Variants in DLC1 observed in about 807,000 individuals in gnomAD.
The protein encoded by DLC1 is rho GTPase-activating protein 7.
In DLC1, 54 loss-of-function variants were observed where a neutral mutation model predicts 140.3. The ratio of observed to expected loss-of-function variants is 0.38; its 90% confidence interval spans 0.31 to 0.48. The LOEUF is 0.48. DLC1 is among the 20% of genes least tolerant of loss of function. The pLI, the probability that DLC1 is intolerant of heterozygous loss-of-function variation, is 0.96. For synonymous variants in DLC1, 986 were observed against 728.1 expected (o/e 1.35, Z -5.70); for missense variants, 2,536 against 1,907.0 (o/e 1.33, Z -6.14).
At chr8:13,503,961 A>G (rs1801935703) in intron 1 of DLC1, among the ~76,000 whole-genome samples, 1 of 152,138 alleles carries the variant, frequency 6.6e-6, no homozygotes, top group African/African-American at 2.4e-5. Context: ...TACTGGATAG[A>G]AGAAATCTTC....
intron 2 of DLC1, among the ~76,000 whole-genome samples, chr8:13,482,093 T>C (rs1178104566): frequency 6.6e-6 from 1 of 152,170 alleles, no homozygotes; most frequent in African/African-American, 2.4e-5. Context: ...ACGATGACTT[T>C]CTGTTCTTTT....
In DLC1 at chr8:13,579,338, TATATATATATATATATATATA is replaced by T. The variant is rs1443582111; in HGVS notation, c.-126+25178_-126+25198del. On this transcript the variant is annotated intron_variant, in intron 1 of 1. Transcript: ENST00000631382. ...CTTTATATATATATATATATATATA[TATATATATATATATATATATA>T]TATTTTTATATAATACATATTTATA... 4.5e-4 allele frequency among the ~76,000 whole-genome samples: 10 copies of T among 22,278 alleles called. 2 individuals carry two copies. Among genetic ancestry groups the T allele is most frequent in the East Asian group, 6.5e-3 (2 of 310 alleles). 14.6% of individuals were successfully genotyped at this position (22,278 alleles called of 152,430 possible). A position where few individuals can be genotyped will look rare whatever the true frequency, so the allele number is the denominator to read the frequency against.
At chr8:13,460,435 A>G (rs1361730597) in intron 2 of DLC1, among the ~76,000 whole-genome samples, 2 of 152,222 alleles carry the variant, frequency 1.3e-5, no homozygotes, top group African/African-American at 2.4e-5. Flanking sequence ...AGTCATCATA[A>G]AAGATATTTA....
At chr8:13,569,234 C>A (rs1804559019) in intron 1 of DLC1, among the ~76,000 whole-genome samples, 1 of 152,146 alleles carries the variant, frequency 6.6e-6, no homozygotes, top group African/African-American at 2.4e-5. Context: ...CACTTTTCTA[C>A]ATGTCCAACA....
At chr8:13,303,750 C>A (rs1451353426) in intron 5 of DLC1, among the ~76,000 whole-genome samples, 1 of 151,942 alleles carries the variant, frequency 6.6e-6, no homozygotes, top group Admixed American at 6.6e-5. Context: ...TGCAGTGAGC[C>A]AAGATCACAC....
At chr8:13,284,312 A>C (rs1428485622) in intron 5 of DLC1, among the ~76,000 whole-genome samples, 1 of 152,192 alleles carries the variant, frequency 6.6e-6, no homozygotes, top group Non-Finnish European at 1.5e-5. Flanking sequence ...GGATCACCTA[A>C]CGTCAGGAGT....
At chr8:13,125,117 C>T (rs534559600) in intron 5 of DLC1, among the ~76,000 whole-genome samples, 1 of 152,236 alleles carries the variant, frequency 6.6e-6, no homozygotes, top group South Asian at 2.1e-4. Flanking sequence ...GCTGGGATTA[C>T]AGGTGCTCAC....
At chr8:13,326,876 T>C (rs1476081623) in intron 4 of DLC1, among the ~76,000 whole-genome samples, 1 of 152,216 alleles carries the variant, frequency 6.6e-6, no homozygotes, top group African/African-American at 2.4e-5. Context: ...TTGAATGAAC[T>C]GTTGTGCATA....
chr8:13,420,109 T>C (rs1455015625), intron 2 of DLC1, among the ~76,000 whole-genome samples: 4 of 152,202 alleles, frequency 2.6e-5, no homozygotes, highest in African/African-American at 9.7e-5. Flanking sequence ...TCTCTTTTTT[T>C]CTTTATTAGT....
chr8:13,350,213 C>A (rs147683881), intron 4 of DLC1, among the ~76,000 whole-genome samples: 1 of 152,090 alleles, frequency 6.6e-6, no homozygotes, highest in African/African-American at 2.4e-5. Flanking sequence ...CTTTTAAGGC[C>A]CACTTTTAAA....
chr8:13,363,625 G>A (rs1010498500), intron 4 of DLC1, among the ~76,000 whole-genome samples: 1 of 151,806 alleles, frequency 6.6e-6, no homozygotes, highest in African/African-American at 2.4e-5. Context: ...CATTGGTTAA[G>A]GTATTTTTAC....
intron 5 of DLC1, among the ~76,000 whole-genome samples, chr8:13,132,313 G>A (rs1822173182): frequency 6.6e-6 from 1 of 151,300 alleles, no homozygotes; most frequent in Non-Finnish European, 1.5e-5. Flanking sequence ...AGGTACCTGC[G>A]GCCACCAAAC....
chr8:13,149,966 G>A (rs1823690584), intron 5 of DLC1, among the ~76,000 whole-genome samples: 1 of 152,186 alleles, frequency 6.6e-6, no homozygotes. Flanking sequence ...TCTTCTCAAG[G>A]AAATAATAGG....
intron 2 of DLC1, among the ~76,000 whole-genome samples, chr8:13,414,913 C>T (rs144008475): frequency 0.016 from 2,509 of 152,118 alleles, 35 homozygotes; most frequent in Non-Finnish European, 0.027. Context: ...CAGGTTCAAG[C>T]GATATTCCTG....
chr8:13,200,837 A>T (rs1407904489), intron 5 of DLC1, among the ~76,000 whole-genome samples: 1 of 152,022 alleles, frequency 6.6e-6, no homozygotes, highest in African/African-American at 2.4e-5. Flanking sequence ...GCCTCAAGTG[A>T]TCCTCCAGAC....
intron 5 of DLC1, among the ~76,000 whole-genome samples, chr8:13,136,462 G>A (rs867099219): frequency 6.6e-6 from 1 of 152,140 alleles, no homozygotes; most frequent in Non-Finnish European, 1.5e-5. Flanking sequence ...GTGTTAATAT[G>A]GTTAACATAA....
chr8:13,281,006 T>A (rs982240187), intron 5 of DLC1, among the ~76,000 whole-genome samples: 1 of 152,184 alleles, frequency 6.6e-6, no homozygotes, highest in Non-Finnish European at 1.5e-5. Flanking sequence ...CAGAAGATCT[T>A]CTCCACTGTG....
intron 2 of DLC1, among the ~76,000 whole-genome samples, chr8:13,477,482 G>C (rs1206562374): frequency 6.6e-6 from 1 of 152,112 alleles, no homozygotes; most frequent in African/African-American, 2.4e-5. Context: ...ATTTTAACAA[G>C]GACTAATCGC....
chr8:13,487,666 C>T (rs571592144), intron 2 of DLC1, among the ~76,000 whole-genome samples: 24 of 152,096 alleles, frequency 1.6e-4, no homozygotes, highest in Admixed American at 1.0e-3. Context: ...CTCCCCAACC[C>T]GGGTTCAAGC....
Sources: allele counts gnomAD v4.1 joint callset (sites outside exome capture counted in the v4.1 genomes callset), GRCh38; gene constraint gnomAD v4.1.1; transcripts MANE v1.5; gene names NCBI Gene and HGNC (gene_info 2026-07-23, HGNC 2026-07-21).